SLIT2: variants seen among roughly 807,000 people sequenced by gnomAD.
SLIT2 encodes slit guidance ligand 2, also known as slit homolog 2 protein.
In SLIT2, 41 loss-of-function variants were observed where a neutral mutation model predicts 185.7. The observed-to-expected ratio is 0.22, with a 90% CI of 0.17 to 0.29. SLIT2 has a LOEUF of 0.29. Ranked by LOEUF, SLIT2 falls within the 10% of genes least tolerant of loss-of-function variation. The probability of loss-of-function intolerance (pLI) is 1.00; values close to 1 mark genes in which losing one functional copy is unlikely to be tolerated. For missense variants in SLIT2, 1,571 were observed against 1,909.0 expected (o/e 0.82, Z 3.30); for synonymous variants, 693 against 680.2 (o/e 1.02, Z -0.29).
intron 4 of SLIT2, among the ~76,000 whole-genome samples, chr4:20,394,100 A>G (rs1427498080): frequency 6.6e-6 from 1 of 152,036 alleles, no homozygotes; most frequent in Non-Finnish European, 1.5e-5. Context: ...TTGGTGGCTG[A>G]ACTAGGAAGT....
At chr4:20,429,442 G>A (rs1279445926) in intron 4 of SLIT2, among the ~76,000 whole-genome samples, 2 of 152,100 alleles carry the variant, frequency 1.3e-5, no homozygotes. Context: ...CTATTTCACA[G>A]TTATTGACAT....
chr4:20,261,009 C>T (rs1408640730), intron 3 of SLIT2, among the ~76,000 whole-genome samples: 3 of 151,740 alleles, frequency 2.0e-5, no homozygotes, highest in Non-Finnish European at 3.0e-5. Flanking sequence ...TGTGGTTGTG[C>T]ATCACTGTAA....
At chr4:20,532,349 A>G (rs1420256718) in intron 17 of SLIT2, among the ~76,000 whole-genome samples, 3 of 152,174 alleles carry the variant, frequency 2.0e-5, no homozygotes, top group Non-Finnish European at 2.9e-5. Flanking sequence ...AAATGGGTTC[A>G]GTAATGTTTT....
intron 15 of SLIT2, among the ~76,000 whole-genome samples, chr4:20,527,133 C>T (rs1047291973): frequency 1.3e-5 from 2 of 152,152 alleles, no homozygotes; most frequent in Non-Finnish European, 2.9e-5. Context: ...AAGTGTACAT[C>T]ACAACATAAG....
chr4:20,463,865 G>T (rs1477854382), intron 4 of SLIT2, among the ~76,000 whole-genome samples: 1 of 138,700 alleles, frequency 7.2e-6, no homozygotes, highest in Non-Finnish European at 1.5e-5. Context: ...GACAGGGCAA[G>T]ACTTTGTCTC....
intron 29 of SLIT2, among the ~76,000 whole-genome samples, chr4:20,572,554 C>A (rs1725697290): frequency 6.6e-6 from 1 of 152,064 alleles, no homozygotes; most frequent in Non-Finnish European, 1.5e-5. Context: ...ATAACATAAA[C>A]CTAACACCTA....
intron 4 of SLIT2, among the ~76,000 whole-genome samples, chr4:20,396,885 T>G (rs1475996545): frequency 6.8e-6 from 1 of 146,778 alleles, no homozygotes; most frequent in African/African-American, 2.5e-5. Flanking sequence ...ACCTAATATA[T>G]AAATACATAA....
chr4:20,334,678 T>C (rs1720346614), intron 4 of SLIT2, among the ~76,000 whole-genome samples: 1 of 152,190 alleles, frequency 6.6e-6, no homozygotes, highest in Non-Finnish European at 1.5e-5. Context: ...TATCTTTATA[T>C]GTCCATGCAT....
intron 26 of SLIT2, 72 bp from the exon 27 acceptor site, chr4:20,567,190 A>C: frequency 7.8e-7 from 1 of 1,277,036 alleles, no homozygotes; most frequent in Non-Finnish European, 1.1e-6. Context: ...TTACCATTAC[A>C]TTAAGGCATA....
chr4:20,617,074 A>G lies in SLIT2; in HGVS notation c.4012A>G (p.Lys1338Glu). 1 of 1,614,202 alleles carries G rather than the reference A, an allele frequency of 6.2e-7. No individual in the cohort carries two copies. The highest frequency in any genetic ancestry group is 2.2e-5 in the East Asian group (1 of 44,858). ...GILPGCEPCH[K>E]KVCAHGTCQP... is the part of the protein sequence containing the mutation. ...TTTGCCTGGCTGTGAGCCATGCCAC[A>G]AGAAGGTGTGTGCCCATGGCACATG... Residue 1338 changes from lysine to glutamate, a missense_variant, in exon 35 of 37, where the codon AAG becomes GAG. Transcript: ENST00000504154.
chr4:20,573,339 G>C lies in SLIT2; in HGVS notation c.3088+4335G>C, dbSNP rs1447935979. ...GTAAAGTTACATAGATTTCACTGCG[G>C]GTACACAGTAAAAAGGAATGTTGAC... is the stretch of plus-strand genomic sequence containing the variant. On this transcript the variant is annotated intron_variant, in intron 29 of 36. Coordinates refer to ENST00000504154, the MANE Select transcript of SLIT2 (RefSeq NM_004787.4). 1.3e-4 allele frequency: 89 copies of C among 700,054 alleles called. 3 individuals are homozygous for C. The South Asian group carries it at 1.3e-3, about 10-fold the overall frequency. 43.4% of individuals were successfully genotyped at this position (700,054 alleles called of 1,614,324 possible).
In SLIT2 at chr4:20,537,153, C is replaced by G. The variant is rs542979946; in HGVS notation, c.1833-2288C>G. Among the ~76,000 whole-genome samples, 5 of 152,154 alleles carry G rather than the reference C, an allele frequency of 3.3e-5. No individual in the cohort carries two copies. In the East Asian group the frequency reaches 9.7e-4, roughly 29 times the overall value. ...ACAATAGTATAGTAAATACATAAAC[C>G]AATAATATAGTTGTTTATTGTCATT... is the stretch of plus-strand genomic sequence containing the variant. On this transcript the variant is annotated intron_variant, in intron 18 of 36. Transcript: ENST00000504154.
chr4:20,319,366 A>ATT (rs1360355922), intron 4 of SLIT2, among the ~76,000 whole-genome samples: 1 of 152,168 alleles, frequency 6.6e-6, no homozygotes, highest in African/African-American at 2.4e-5. Flanking sequence ...AGGTGGTGAA[A>ATT]TAAGATGTGA....
rs931672646 is a variant in SLIT2 at position 20,508,465 on chromosome 4, G to A, written c.915-2030G>A. ...GTATTTTTCAACAGTGGAATATTAT[G>A]AAGGCATTAAAAGTAATGTCTTACA... is the stretch of plus-strand genomic sequence containing the variant. On this transcript the variant is annotated intron_variant, in intron 9 of 36. Transcript: ENST00000504154. Among the ~76,000 whole-genome samples, 44 of 152,108 alleles carry A rather than the reference G, an allele frequency of 2.9e-4. 1 individual carries two copies. The highest frequency in any genetic ancestry group is 1.0e-3 in the African/African-American group (43 of 41,552).
intron 4 of SLIT2, among the ~76,000 whole-genome samples, chr4:20,366,510 G>A (rs1003726429): frequency 2.6e-4 from 39 of 152,122 alleles, no homozygotes; most frequent in African/African-American, 7.7e-4. Context: ...ATGAGGCAGT[G>A]TATTTGATAA....
intron 4 of SLIT2, among the ~76,000 whole-genome samples, chr4:20,334,135 T>C (rs1215696485): frequency 1.3e-5 from 2 of 152,146 alleles, no homozygotes; most frequent in African/African-American, 4.8e-5. Context: ...AGAGAAAATA[T>C]GGTTATCCCT....
intron 4 of SLIT2, among the ~76,000 whole-genome samples, chr4:20,379,988 G>T (rs868621277): frequency 2.0e-5 from 3 of 152,072 alleles, no homozygotes; most frequent in African/African-American, 7.2e-5. Context: ...ACTGCAGAGG[G>T]GTTCAGTCAA....
In SLIT2 at chr4:20,254,224, C is replaced by T. The variant is rs1031147743; in HGVS notation, c.179+230C>T. ...GCGCTAGTTCTCCCTCCCCTGCTCT[C>T]GTCCCGCCACTCGCAGCTCCTTGCT... On this transcript the variant is annotated intron_variant, in intron 1 of 36. Coordinates refer to ENST00000504154, the MANE Select transcript of SLIT2 (RefSeq NM_004787.4). This position sits in a 1 kb window ranked among gnomAD's most constrained non-coding sequence, Gnocchi z 5.1. Among the ~76,000 whole-genome samples, 11 of 152,116 alleles carry T rather than the reference C, an allele frequency of 7.2e-5. No individual in the cohort carries two copies. The highest frequency in any genetic ancestry group is 6.2e-4 in the South Asian group (3 of 4,828).
At chr4:20,307,206 C>A (rs1408954714) in intron 4 of SLIT2, among the ~76,000 whole-genome samples, 1 of 121,822 alleles carries the variant, frequency 8.2e-6, no homozygotes, top group African/African-American at 3.2e-5. Context: ...TTCCCTGACT[C>A]CCTCTCTCCA....
Sources: gnomAD v4.1 joint callset for allele counts (sites outside exome capture counted in the v4.1 genomes callset) on GRCh38, gnomAD v4.1.1 for gene constraint, Gnocchi (gnomAD v3.1) non-coding constraint, MANE v1.5 for transcripts, NCBI Gene and HGNC (gene_info 2026-07-23, HGNC 2026-07-21) for gene names.